Variants in RIPOR2 observed in about 807,000 individuals in gnomAD.
RIPOR2 encodes the protein rho family-interacting cell polarization regulator 2.
Under a neutral mutation model 114.5 loss-of-function variants are expected in RIPOR2, and 39 were observed. The observed-to-expected ratio is 0.34, with a 90% CI of 0.26 to 0.44. The LOEUF (loss-of-function observed/expected upper bound fraction) is 0.44. RIPOR2 is among the 20% of genes least tolerant of loss of function. RIPOR2 has a pLI of 1.00. For synonymous variants in RIPOR2, 445 were observed against 484.4 expected, an observed-to-expected ratio of 0.92 and a Z score of 1.07; for missense variants, 1,007 against 1,255.1, an observed-to-expected ratio of 0.80 and a Z score of 2.99.
Position 25,023,336 on chromosome 6 carries a change from A to G in RIPOR2, c.76+18515T>C, listed in dbSNP as rs559214903. 217 of 790,544 alleles carry G rather than the reference A, an allele frequency of 2.7e-4. 5 individuals are homozygous for G. Among genetic ancestry groups the G allele is most frequent in the Admixed American group, 2.3e-3 (134 of 58,010 alleles). The allele number at this position is 790,544 out of a possible 1,614,324, so 49.0% of individuals were successfully genotyped here. On this transcript the variant is annotated intron_variant, in intron 1 of 13. Transcript: ENST00000510784. ...GATGTTGATGAACCCGGTGGCATCA[A>G]TTGGCTCATAATCACCCTACACGTT...
rs950416273 is a variant in RIPOR2 at position 24,847,800 on chromosome 6, T to C, written c.1164+225A>G. On this transcript the variant is annotated intron_variant, in intron 12 of 21. Coordinates refer to ENST00000643898, the MANE Select transcript of RIPOR2 (RefSeq NM_001286445.3). ...ATTAAAACAAGGAGGCTATTATTTA[T>C]ATGCACTTCTTTAAAAGGCTGATCT... 20 of 1,209,584 alleles carry C rather than the reference T, an allele frequency of 1.7e-5. No individual in the cohort carries two copies. The African/African-American group carries it at 2.0e-4, about 12-fold the overall frequency. The allele number at this position is 1,209,584 out of a possible 1,614,324, so 74.9% of individuals were successfully genotyped here. A position where few individuals can be genotyped will look rare whatever the true frequency, so the allele number is the denominator to read the frequency against.
At chr6:24,935,770 A>C in intron 1 of RIPOR2, 68 bp downstream of exon 1, 1 of 1,141,098 alleles carries the variant, frequency 8.8e-7, no homozygotes, top group East Asian at 2.6e-5. Flanking sequence ...AGCTGGGCAA[A>C]AGTGTCCAGT....
chr6:24,855,897 G>C (rs1023226553), intron 8 of RIPOR2, among the ~76,000 whole-genome samples: 4 of 152,156 alleles, frequency 2.6e-5, no homozygotes, highest in Admixed American at 1.3e-4. Context: ...AGCCAGTCAT[G>C]GTGGCGTGCG....
At chr6:24,826,602 G>A (rs761066855) in intron 18 of RIPOR2, among the ~76,000 whole-genome samples, 1 of 151,942 alleles carries the variant, frequency 6.6e-6, no homozygotes, top group Non-Finnish European at 1.5e-5. Flanking sequence ...AAGCATTATG[G>A]ATTATAACAT....
rs144692322 is a variant in RIPOR2, at chr6:24,948,687, A to G, written c.77-72870T>C. Among the ~76,000 whole-genome samples, 349 of 152,000 alleles carry G rather than the reference A, an allele frequency of 2.3e-3. 3 individuals are homozygous for G. Among genetic ancestry groups the G allele is most frequent in the South Asian group, 0.015 (73 of 4,818 alleles). ...GCTGGGATTACAGGCATGAGCCACC[A>G]CATCCAGCTAATTTTGTATTTTTAG... On this transcript the variant is annotated intron_variant, in intron 1 of 13. Coordinates refer to the RIPOR2 transcript ENST00000510784.
At chr6:24,976,476 A>G (rs4712867) in intron 1 of RIPOR2, 1,567,767 of 1,569,624 alleles carry the variant, frequency 1, 782,960 homozygotes, top group East Asian at 1. Flanking sequence ...CTTGGGCCGC[A>G]TCTCCTTTGA....
intron 1 of RIPOR2, among the ~76,000 whole-genome samples, chr6:24,896,953 A>G (rs1767938936): frequency 6.6e-6 from 1 of 152,202 alleles, no homozygotes; most frequent in Admixed American, 6.5e-5. Context: ...GTGGCACAGG[A>G]TCCCAGGGTA....
intron 1 of RIPOR2, among the ~76,000 whole-genome samples, chr6:25,008,889 C>T (rs1005746495): frequency 6.6e-6 from 1 of 152,204 alleles, no homozygotes; most frequent in Non-Finnish European, 1.5e-5. Flanking sequence ...CTGTTCTTGG[C>T]AGTTCAGCAG....
At chr6:24,911,368 G>A (rs551196464) in intron 1 of RIPOR2, among the ~76,000 whole-genome samples, 32 of 152,242 alleles carry the variant, frequency 2.1e-4, no homozygotes, top group Middle Eastern at 3.4e-3. Flanking sequence ...GCTGGAGGGA[G>A]AGGGCAGAGG....
At chr6:24,954,434 G>C (rs1443963819) in intron 1 of RIPOR2, among the ~76,000 whole-genome samples, 1 of 149,212 alleles carries the variant, frequency 6.7e-6, no homozygotes, top group Admixed American at 6.8e-5. Flanking sequence ...CTGGTGAACT[G>C]TGCAGGCCCA....
At chr6:24,867,517 C>G (rs1764727774) in intron 6 of RIPOR2, among the ~76,000 whole-genome samples, 1 of 152,248 alleles carries the variant, frequency 6.6e-6, no homozygotes, top group African/African-American at 2.4e-5. Flanking sequence ...ATGTGGTCTT[C>G]TGGGGAACTG....
In RIPOR2 at chr6:24,805,889, G is replaced by C. The variant is rs994182531; in HGVS notation, c.*484C>G. 1 of 157,018 alleles carries C rather than the reference G, an allele frequency of 6.4e-6. No homozygotes were observed. The highest frequency in any genetic ancestry group is 1.4e-5 in the Non-Finnish European group (1 of 71,546). 9.7% of individuals were successfully genotyped at this position (157,018 alleles called of 1,614,324 possible). ...CTATTCTATATTGGCCAAAGGAAAA[G>C]TAGATAGGTACTGTGAAACGAGACT... is the stretch of plus-strand genomic sequence containing the variant. On this transcript the variant is annotated 3_prime_UTR_variant, in exon 22 of 22. Coordinates refer to ENST00000643898, the MANE Select transcript of RIPOR2 (RefSeq NM_001286445.3).
intron 1 of RIPOR2, chr6:25,030,883 A>T (rs1776889562): frequency 6.6e-6 from 1 of 151,994 alleles, no homozygotes; most frequent in Non-Finnish European, 1.5e-5. Context: ...TTTTTAGTAG[A>T]GGCGGGGTTT....
intron 6 of RIPOR2, among the ~76,000 whole-genome samples, chr6:24,868,321 T>C (rs1478951412): frequency 1.3e-5 from 2 of 152,210 alleles, no homozygotes; most frequent in Admixed American, 6.5e-5. Context: ...GAGCTGGGAA[T>C]AGAACCTAGG....
chr6:24,809,282 G>T (rs1013950985), intron 21 of RIPOR2, among the ~76,000 whole-genome samples: 1 of 152,154 alleles, frequency 6.6e-6, no homozygotes, highest in Admixed American at 6.5e-5. Context: ...GTTAACCTGG[G>T]AGTCAGGGTG....
chr6:24,908,498 T>C (rs1769206752), intron 1 of RIPOR2, among the ~76,000 whole-genome samples: 2 of 152,194 alleles, frequency 1.3e-5, no homozygotes, highest in African/African-American at 4.8e-5. Context: ...ATCTGTGAAT[T>C]AACACAAAGT....
At chr6:24,830,811 GT>G (rs1760616093) in intron 16 of RIPOR2, 141 bp from the exon 17 acceptor site, 1 of 816,700 alleles carries the variant, frequency 1.2e-6, no homozygotes, top group Admixed American at 3.0e-5. Flanking sequence ...CGCCTCCTGG[GT>G]TCAAGTGATT....
chr6:24,821,022 G>A (rs1021217037), intron 19 of RIPOR2, among the ~76,000 whole-genome samples: 1 of 151,290 alleles, frequency 6.6e-6, no homozygotes, highest in Non-Finnish European at 1.5e-5. Context: ...ATAGGTGCCT[G>A]CCACCACACC....
chr6:24,949,650 A>G lies in RIPOR2; in HGVS notation c.77-73833T>C, dbSNP rs115454753. ...TTGGCAAATGCCAAAAACAGTATAA[A>G]TATTATATTCCCATCTTCTAATATC... On this transcript the variant is annotated intron_variant, in intron 1 of 13. Coordinates refer to the RIPOR2 transcript ENST00000510784. Among the ~76,000 whole-genome samples the G allele has an allele frequency of 6.8e-3, 1,039 of 152,322 alleles. 8 individuals carry two copies. Among genetic ancestry groups the G allele is most frequent in the Middle Eastern group, 0.027 (8 of 294 alleles).
Sources: allele counts gnomAD v4.1 joint callset (sites outside exome capture counted in the v4.1 genomes callset), GRCh38; gene constraint gnomAD v4.1.1; transcripts MANE v1.5; gene names NCBI Gene and HGNC (gene_info 2026-07-23, HGNC 2026-07-21).